Variants in PAMR1 observed in about 807,000 individuals in gnomAD.
PAMR1 encodes the protein inactive serine protease PAMR1.
PAMR1 carries 88 observed loss-of-function variants against 81.8 expected under a neutral mutation model. The ratio of observed to expected loss-of-function variants is 1.08; its 90% CI spans 0.91 to 1.28. The LOEUF (loss-of-function observed/expected upper bound fraction) is 1.28. Ranked by LOEUF, PAMR1 falls within the 50% of genes most tolerant of loss-of-function variation. The pLI, the probability that PAMR1 is intolerant of heterozygous loss-of-function variation, is 0.00. For missense variants in PAMR1, 935 were observed against 919.7 expected (o/e 1.02, Z -0.21); for synonymous variants, 336 against 345.3 (o/e 0.97, Z 0.30).
At chr11:35,469,977 CTCA>C (rs1245362732) in intron 5 of PAMR1, among the ~76,000 whole-genome samples, 1 of 152,136 alleles carries the variant, frequency 6.6e-6, no homozygotes, top group Non-Finnish European at 1.5e-5. Context: ...CTTAAAGTTA[CTCA>C]TCAAGTCAAT....
intron 2 of PAMR1, among the ~76,000 whole-genome samples, chr11:35,492,798 C>G (rs1424959123): frequency 1.3e-5 from 2 of 152,174 alleles, no homozygotes; most frequent in Non-Finnish European, 2.9e-5. Flanking sequence ...CAGGCCACAC[C>G]AGAGGGGTCT....
At chr11:35,497,892 A>G (rs184972356) in intron 1 of PAMR1, among the ~76,000 whole-genome samples, 74 of 152,334 alleles carry the variant, frequency 4.9e-4, no homozygotes, top group African/African-American at 1.7e-3. Context: ...TTAACATAGA[A>G]AAAAATCATA....
At chr11:35,499,352 G>A (rs1850787811) in intron 1 of PAMR1, among the ~76,000 whole-genome samples, 1 of 152,158 alleles carries the variant, frequency 6.6e-6, no homozygotes, top group Non-Finnish European at 1.5e-5. Context: ...CCCATGGGGT[G>A]TGGCTCATGC....
At chr11:35,447,212 T>C (rs1472456792) in intron 6 of PAMR1, among the ~76,000 whole-genome samples, 3 of 148,902 alleles carry the variant, frequency 2.0e-5, no homozygotes, top group African/African-American at 7.4e-5. Context: ...CTTTTTTTTT[T>C]TTTTTTTTGA....
Position 35,435,992 on chromosome 11 carries a change from A to G in PAMR1, c.1244T>C (p.Ile415Thr), listed in dbSNP as rs760237633. ...HLHTQLQYECISPFYRRLGSS... is the reference protein window; with the variant it reads ...HLHTQLQYECTSPFYRRLGSS... Reference sequence around the variant, plus strand: ...GCCCAGGCGGCGGTAGAAGGGTGAGATGCACTCATACTGGAGCTGGGTATG... The same window carrying G: ...GCCCAGGCGGCGGTAGAAGGGTGAGGTGCACTCATACTGGAGCTGGGTATG... The change falls in exon 9 of 11, where the codon ATC becomes ACC. Residue 415 changes from isoleucine to threonine, a missense_variant. By Grantham distance (89) the Ile-to-Thr change is moderately conservative. Transcript: ENST00000619888. The G allele has an allele frequency of 1.2e-6, 2 of 1,614,148 alleles. No individual in the cohort carries two copies. The highest frequency in any genetic ancestry group is 2.2e-5 in the South Asian group (2 of 91,076).
At chr11:35,441,451 C>T (rs1193294937) in intron 7 of PAMR1, 30 bp downstream of exon 7, 1 of 1,531,930 alleles carries the variant, frequency 6.5e-7, no homozygotes, top group Non-Finnish European at 9.0e-7. Context: ...TCATCAATGT[C>T]CGTAGACTTC....
intron 6 of PAMR1, among the ~76,000 whole-genome samples, chr11:35,464,823 T>A (rs1274634141): frequency 6.6e-6 from 1 of 152,214 alleles, no homozygotes; most frequent in Non-Finnish European, 1.5e-5. Flanking sequence ...TTTCTGCAAT[T>A]AAGTAGAAAA....
intron 1 of PAMR1, among the ~76,000 whole-genome samples, chr11:35,514,540 GC>G (rs1851129319): frequency 6.6e-6 from 1 of 152,184 alleles, no homozygotes; most frequent in South Asian, 2.1e-4. Context: ...GCTTGAAGGT[GC>G]CCCCAGTTGC....
chr11:35,438,504 A>G (rs542526393), intron 8 of PAMR1, among the ~76,000 whole-genome samples: 2 of 152,382 alleles, frequency 1.3e-5, no homozygotes, highest in African/African-American at 4.8e-5. Context: ...AACTTGCCCA[A>G]GAATACCCAG....
At chr11:35,498,973 G>A (rs1850779239) in intron 1 of PAMR1, among the ~76,000 whole-genome samples, 1 of 152,174 alleles carries the variant, frequency 6.6e-6, no homozygotes, top group Admixed American at 6.5e-5. Context: ...CCTGCTGACT[G>A]TCTGCCTCCC....
At chr11:35,525,471 T>C in intron 1 of PAMR1, 42 bp downstream of exon 1, 1 of 1,552,806 alleles carries the variant, frequency 6.4e-7, no homozygotes, top group Non-Finnish European at 8.9e-7. Context: ...TGCTCCCTCC[T>C]AGGGTGTCCT....
chr11:35,447,818 G>A (rs1047685654), intron 6 of PAMR1, among the ~76,000 whole-genome samples: 1 of 152,338 alleles, frequency 6.6e-6, no homozygotes, highest in South Asian at 2.1e-4. Context: ...TCCTTCAGGA[G>A]CTCTTGCAAG....
At chr11:35,520,865 A>C (rs112806143) in intron 1 of PAMR1, among the ~76,000 whole-genome samples, 2 of 152,314 alleles carry the variant, frequency 1.3e-5, no homozygotes, top group African/African-American at 4.8e-5. Flanking sequence ...AGATGGAAAT[A>C]ATTTTCAGAT....
At chr11:35,493,921 T>A (rs1850674273) in intron 2 of PAMR1, among the ~76,000 whole-genome samples, 175 bp downstream of exon 2, 2 of 152,278 alleles carry the variant, frequency 1.3e-5, no homozygotes, top group African/African-American at 4.8e-5. Context: ...AAAAGAGTAC[T>A]GACTCCTTTT....
intron 7 of PAMR1, among the ~76,000 whole-genome samples, chr11:35,440,567 T>G (rs1429356662): frequency 6.6e-6 from 1 of 152,120 alleles, no homozygotes; most frequent in Non-Finnish European, 1.5e-5. Context: ...CAAGGACATG[T>G]TTTCTTCCCA....
intron 1 of PAMR1, among the ~76,000 whole-genome samples, chr11:35,509,689 T>C (rs1851037835): frequency 6.6e-6 from 1 of 152,216 alleles, no homozygotes; most frequent in Non-Finnish European, 1.5e-5. Flanking sequence ...ATTGGTCTTA[T>C]TTATTGAAAC....
rs989849737 is a variant in PAMR1, at chr11:35,441,617, A to C, written c.897T>G (p.Leu299=). ...CAATTTTAGCATGGCGTCCGTTGAT[A>C]AGCCCAGGGCCCCCTGTTATTTTCT... is the stretch of plus-strand genomic sequence containing the variant. ...GYQKITGGPG[L]INGRHAKIGT... The change falls in exon 7 of 11, where the codon CTT becomes CTG. Residue 299 remains leucine, a synonymous_variant. Coordinates refer to ENST00000619888, the MANE Select transcript of PAMR1 (RefSeq NM_001001991.3). 2 of 1,613,950 alleles carry C rather than the reference A, an allele frequency of 1.2e-6. No individual in the cohort carries two copies. The highest frequency in any genetic ancestry group is 1.7e-6 in the Non-Finnish European group (2 of 1,179,934).
At position 35,435,958 on chromosome 11, in the gene PAMR1, C is replaced by CCTG; in HGVS notation, c.1275_1277dup (p.Ser425dup). On this transcript the variant is annotated inframe_insertion, in exon 9 of 11. Transcript: ENST00000619888. Reference sequence around the variant, plus strand: ...ACTTCCCAGTCCTCAGACATGTCCTCCTGCTGCTGCCCAGGCGGCGGTAGA... The same window carrying CCTG: ...ACTTCCCAGTCCTCAGACATGTCCTCCTGCTGCTGCTGCCCAGGCGGCGGTAGA... 1 of 1,614,212 alleles carries CCTG rather than the reference C, an allele frequency of 6.2e-7. No homozygotes were observed. The highest frequency in any genetic ancestry group is 1.1e-5 in the South Asian group (1 of 91,080).
chr11:35,442,168 T>C (rs1298723307), intron 6 of PAMR1, among the ~76,000 whole-genome samples: 1 of 152,250 alleles, frequency 6.6e-6, no homozygotes, highest in African/African-American at 2.4e-5. Flanking sequence ...AGTACATACA[T>C]AAAGTGAATT....
Sources: allele counts gnomAD v4.1 joint callset (sites outside exome capture counted in the v4.1 genomes callset), GRCh38; gene constraint gnomAD v4.1.1; transcripts MANE v1.5; gene names NCBI Gene and HGNC (gene_info 2026-07-23, HGNC 2026-07-21).